Variants in GRM8 observed in about 807,000 individuals in gnomAD.
The protein encoded by GRM8 is metabotropic glutamate receptor 8.
A neutral mutation model predicts 87.2 loss-of-function variants in GRM8; 47 were observed. The ratio of observed to expected loss-of-function variants is 0.54; its 90% CI spans 0.43 to 0.69. GRM8 has a LOEUF of 0.69. Ranked by LOEUF, GRM8 falls within the 30% of genes least tolerant of loss-of-function variation. The probability of loss-of-function intolerance (pLI) is 0.00; values close to 1 mark genes in which losing one functional copy is unlikely to be tolerated. For synonymous variants in GRM8, 396 were observed against 404.5 expected, an observed-to-expected ratio of 0.98 and a Z score of 0.25; for missense variants, 1,019 against 1,139.2, an observed-to-expected ratio of 0.89 and a Z score of 1.52.
chr7:127,004,182 A>G (rs1814029736), intron 3 of GRM8, among the ~76,000 whole-genome samples: 1 of 151,734 alleles, frequency 6.6e-6, no homozygotes, highest in African/African-American at 2.4e-5. Flanking sequence ...TTCACCACAA[A>G]TACTTTAATA....
In GRM8 at chr7:127,243,147, TGGC is replaced by T; in HGVS notation, c.55_57del (p.Ala19del). Reference sequence around the variant, plus strand: ...ATCATTGTGAGGATCCAGTAGAACTTGGCGGTCAAGAGGAAGAAACAAGGGCAA... The same window carrying T: ...ATCATTGTGAGGATCCAGTAGAACTTGGTCAAGAGGAAGAAACAAGGGCAA... On this transcript the variant is annotated inframe_deletion, in exon 2 of 11. Coordinates refer to ENST00000339582, the MANE Select transcript of GRM8 (RefSeq NM_000845.3). The T allele has an allele frequency of 6.2e-7, 1 of 1,613,722 alleles. No individual in the cohort carries two copies. The highest frequency in any genetic ancestry group is 1.7e-5 in the Admixed American group (1 of 60,014).
At chr7:127,051,665 C>T (rs1363809656) in intron 3 of GRM8, among the ~76,000 whole-genome samples, 1 of 136,086 alleles carries the variant, frequency 7.3e-6, no homozygotes, top group Non-Finnish European at 1.5e-5. Context: ...CATAGAAATA[C>T]TACTCACAGT....
chr7:127,076,141 A>G, intron 3 of GRM8: 1 of 456,618 alleles, frequency 2.2e-6, no homozygotes. Context: ...TGAGCATCTG[A>G]CAGCTGCATT....
intron 7 of GRM8, among the ~76,000 whole-genome samples, chr7:126,675,459 T>C (rs1806863099): frequency 6.6e-6 from 1 of 152,198 alleles, no homozygotes; most frequent in Admixed American, 6.5e-5. Flanking sequence ...TATAGGTCAC[T>C]ATCCCTGATG....
At chr7:126,757,357 G>A (rs1014292078) in intron 7 of GRM8, among the ~76,000 whole-genome samples, 1 of 152,050 alleles carries the variant, frequency 6.6e-6, no homozygotes, top group Non-Finnish European at 1.5e-5. Context: ...GTTTGTTTTG[G>A]TGTTCTGGAT....
intron 6 of GRM8, among the ~76,000 whole-genome samples, chr7:126,864,270 G>C (rs1798406918): frequency 6.6e-6 from 1 of 151,912 alleles, no homozygotes. Flanking sequence ...TTCAGTCTGG[G>C]AATTCACTTC....
chr7:126,593,073 A>G (rs1426539295), intron 8 of GRM8, among the ~76,000 whole-genome samples: 1 of 152,010 alleles, frequency 6.6e-6, no homozygotes. Context: ...AGATCTATAC[A>G]TTGAAAATTA....
At chr7:126,966,900 G>A (rs374243519) in intron 3 of GRM8, among the ~76,000 whole-genome samples, 23 of 152,288 alleles carry the variant, frequency 1.5e-4, no homozygotes, top group Admixed American at 2.6e-4. Context: ...CAGGAACAGC[G>A]GTAGAGAGGG....
At chr7:126,625,868 A>G (rs540679113) in intron 7 of GRM8, among the ~76,000 whole-genome samples, 1 of 152,212 alleles carries the variant, frequency 6.6e-6, no homozygotes, top group Non-Finnish European at 1.5e-5. Flanking sequence ...ATATATCTTA[A>G]AATGAATGTG....
chr7:126,980,405 G>A (rs1366212561), intron 3 of GRM8, among the ~76,000 whole-genome samples: 2 of 152,156 alleles, frequency 1.3e-5, no homozygotes, highest in African/African-American at 4.8e-5. Flanking sequence ...CATTCAAGTG[G>A]ATCCATCCCC....
At chr7:126,625,445 C>G (rs2151155436) in intron 7 of GRM8, among the ~76,000 whole-genome samples, 1 of 151,316 alleles carries the variant, frequency 6.6e-6, no homozygotes, top group South Asian at 2.1e-4. Context: ...AAAAAAAAGA[C>G]ACGACAAGAA....
chr7:126,938,690 G>A (rs1217153322), intron 3 of GRM8, among the ~76,000 whole-genome samples: 1 of 152,058 alleles, frequency 6.6e-6, no homozygotes, highest in East Asian at 1.9e-4. Context: ...GTAAAATTAA[G>A]ACAATTTTCT....
chr7:126,925,068 A>G (rs929587463), intron 3 of GRM8, among the ~76,000 whole-genome samples: 4 of 152,164 alleles, frequency 2.6e-5, no homozygotes, highest in African/African-American at 9.7e-5. Flanking sequence ...AGAGAGCAAG[A>G]CCTCAAAACA....
At chr7:127,136,193 G>A (rs1827937528) in intron 2 of GRM8, among the ~76,000 whole-genome samples, 1 of 151,602 alleles carries the variant, frequency 6.6e-6, no homozygotes, top group Non-Finnish European at 1.5e-5. Flanking sequence ...TTTATAATAT[G>A]TGTAACTTGC....
intron 6 of GRM8, among the ~76,000 whole-genome samples, chr7:126,810,643 C>T (rs530395179): frequency 5.9e-4 from 90 of 152,200 alleles, no homozygotes; most frequent in African/African-American, 2.1e-3. Context: ...CTCCCTCCCA[C>T]ATTACTAAAA....
At chr7:127,045,405 G>A (rs945493907) in intron 3 of GRM8, among the ~76,000 whole-genome samples, 1 of 150,234 alleles carries the variant, frequency 6.7e-6, no homozygotes, top group African/African-American at 2.5e-5. Flanking sequence ...CTTTGTTTTC[G>A]GTCTTCAGTC....
chr7:127,065,247 C>G (rs1374965570), intron 3 of GRM8, among the ~76,000 whole-genome samples: 1 of 152,162 alleles, frequency 6.6e-6, no homozygotes, highest in African/African-American at 2.4e-5. Context: ...GGCCATTATC[C>G]TTAGGCAAAC....
At chr7:127,171,633 A>G (rs542184970) in intron 2 of GRM8, among the ~76,000 whole-genome samples, 2 of 152,326 alleles carry the variant, frequency 1.3e-5, no homozygotes, top group South Asian at 4.1e-4. Flanking sequence ...TAATTAAGGT[A>G]TGTACATTAC....
At position 126,450,395 on chromosome 7, in the gene GRM8, G is replaced by A. The variant is rs572268207; in HGVS notation, c.2431-4023C>T. On this transcript the variant is annotated intron_variant, in intron 9 of 10. Coordinates refer to ENST00000339582, the MANE Select transcript of GRM8 (RefSeq NM_000845.3). ...TCCTGACTATTTCTGTTTTGCCCTC[G>A]ATGGTTTAATCTTACCACTTTGTTT... Among the ~76,000 whole-genome samples the A allele has an allele frequency of 6.6e-5, 10 of 151,876 alleles. No homozygotes were observed. The South Asian group carries it at 1.0e-3, about 16-fold the overall frequency.
Sources: gnomAD v4.1 joint callset for allele counts (sites outside exome capture counted in the v4.1 genomes callset) on GRCh38, gnomAD v4.1.1 for gene constraint, MANE v1.5 for transcripts, NCBI Gene and HGNC (gene_info 2026-07-23, HGNC 2026-07-21) for gene names.